GPC5: variants seen among roughly 807,000 people sequenced by gnomAD.
GPC5 encodes glypican-5.
A neutral mutation model predicts 53.9 loss-of-function variants in GPC5; 47 were observed. That is an observed-to-expected ratio of 0.87 (90% CI 0.69 to 1.11). GPC5 has a LOEUF of 1.11. Among genes scored for constraint, GPC5 ranks in the 50% most tolerant of loss-of-function variants. The pLI, the probability that GPC5 is intolerant of heterozygous loss-of-function variation, is 0.00. For missense variants in GPC5, 748 were observed against 713.1 expected (o/e 1.05, Z -0.56); for synonymous variants, 286 against 263.3 (o/e 1.09, Z -0.84).
intron 2 of GPC5, among the ~76,000 whole-genome samples, chr13:91,657,172 A>G (rs1255268721): frequency 3.9e-5 from 6 of 152,144 alleles, no homozygotes; most frequent in Non-Finnish European, 5.9e-5. Flanking sequence ...TGAAAGAGTG[A>G]GACTGCAAGT....
intron 7 of GPC5, among the ~76,000 whole-genome samples, chr13:92,731,080 A>G (rs748953967): frequency 1.5e-4 from 22 of 151,438 alleles, no homozygotes; most frequent in Admixed American, 1.1e-3. Flanking sequence ...GTGATGATCA[A>G]CAAGGAAGCT....
intron 7 of GPC5, among the ~76,000 whole-genome samples, chr13:92,160,197 T>C (rs1164365841): frequency 6.6e-6 from 1 of 152,184 alleles, no homozygotes; most frequent in Non-Finnish European, 1.5e-5. Flanking sequence ...GGCATGAAAG[T>C]ATCTATGTTC....
chr13:91,546,520 T>A (rs538692386), intron 2 of GPC5, among the ~76,000 whole-genome samples: 51 of 152,218 alleles, frequency 3.4e-4, no homozygotes, highest in African/African-American at 1.2e-3. Flanking sequence ...TTTTAATCAA[T>A]TTTTTAAAAT....
intron 7 of GPC5, among the ~76,000 whole-genome samples, chr13:92,861,141 A>C (rs1002718634): frequency 6.6e-6 from 1 of 152,134 alleles, no homozygotes; most frequent in African/African-American, 2.4e-5. Context: ...TTACTCCTTA[A>C]AGAGTTTTAA....
intron 1 of GPC5, among the ~76,000 whole-genome samples, chr13:91,444,589 A>G (rs1880654975): frequency 6.6e-6 from 1 of 152,112 alleles, no homozygotes; most frequent in African/African-American, 2.4e-5. Flanking sequence ...AAAATATGGC[A>G]GCTCATTTTA....
intron 7 of GPC5, among the ~76,000 whole-genome samples, chr13:92,202,273 T>C (rs2042300601): frequency 6.6e-6 from 1 of 152,228 alleles, no homozygotes; most frequent in African/African-American, 2.4e-5. Flanking sequence ...TACCTAATGT[T>C]TCCAGTTGAG....
At chr13:92,592,399 C>T (rs1390058767) in intron 7 of GPC5, among the ~76,000 whole-genome samples, 1 of 151,256 alleles carries the variant, frequency 6.6e-6, no homozygotes, top group African/African-American at 2.4e-5. Flanking sequence ...GGTCTTCCTC[C>T]TGCTTTCCTC....
intron 7 of GPC5, among the ~76,000 whole-genome samples, chr13:92,854,991 T>A (rs1878948825): frequency 6.6e-6 from 1 of 152,058 alleles, no homozygotes; most frequent in East Asian, 1.9e-4. Context: ...TCCTTAGATT[T>A]TCTTCTAGTA....
At chr13:91,475,057 GA>G (rs1169790980) in intron 2 of GPC5, among the ~76,000 whole-genome samples, 1 of 152,132 alleles carries the variant, frequency 6.6e-6, no homozygotes, top group African/African-American at 2.4e-5. Flanking sequence ...AAAATATTCT[GA>G]GTAGACTCAC....
intron 5 of GPC5, among the ~76,000 whole-genome samples, chr13:91,871,174 G>A (rs1049106729): frequency 6.6e-6 from 1 of 152,134 alleles, no homozygotes; most frequent in African/African-American, 2.4e-5. Flanking sequence ...TCAGATTTTG[G>A]AACATTTTCA....
At chr13:92,387,898 T>A (rs1277592022) in intron 7 of GPC5, among the ~76,000 whole-genome samples, 1 of 152,144 alleles carries the variant, frequency 6.6e-6, no homozygotes, top group African/African-American at 2.4e-5. Flanking sequence ...TAGCAGATAA[T>A]CAGTACACAG....
At position 91,531,784 on chromosome 13, in the gene GPC5, G is replaced by A. The variant is rs557128197; in HGVS notation, c.325+82862G>A. Among the ~76,000 whole-genome samples the A allele has an allele frequency of 3.3e-5, 5 of 152,204 alleles. No individual in the cohort carries two copies. The East Asian group carries it at 9.6e-4, about 29-fold the overall frequency. ...TAAAGCTTTAAAGGGTAAATACTTT[G>A]GATCTGACTTTTCACTTTTATTCAG... On this transcript the variant is annotated intron_variant, in intron 2 of 7. Transcript: ENST00000377067.
intron 7 of GPC5, among the ~76,000 whole-genome samples, chr13:92,534,064 A>T (rs1017069467): frequency 6.6e-6 from 1 of 152,130 alleles, no homozygotes; most frequent in Non-Finnish European, 1.5e-5. Context: ...AAGTGAGAAG[A>T]TCACTTGAGC....
chr13:92,135,972 T>A (rs1008849445), intron 6 of GPC5, among the ~76,000 whole-genome samples: 1 of 152,226 alleles, frequency 6.6e-6, no homozygotes, highest in African/African-American at 2.4e-5. Context: ...TTTCTACATT[T>A]GAAAGAGACA....
intron 4 of GPC5, among the ~76,000 whole-genome samples, chr13:91,739,773 T>C (rs972291251): frequency 1.3e-5 from 2 of 151,458 alleles, no homozygotes; most frequent in African/African-American, 4.9e-5. Flanking sequence ...ACTATTGTTT[T>C]TGCAATATTC....
intron 1 of GPC5, among the ~76,000 whole-genome samples, chr13:91,413,879 C>T (rs1308257179): frequency 2.0e-5 from 3 of 152,170 alleles, no homozygotes; most frequent in African/African-American, 7.2e-5. Context: ...CCTGGAAACA[C>T]TGAGATGATC....
At chr13:92,128,592 T>G (rs2041718627) in intron 6 of GPC5, among the ~76,000 whole-genome samples, 1 of 152,234 alleles carries the variant, frequency 6.6e-6, no homozygotes, top group Non-Finnish European at 1.5e-5. Context: ...GTCAGAGAAC[T>G]CGGTCTCATT....
chr13:92,798,882 T>C (rs75134255), intron 7 of GPC5, among the ~76,000 whole-genome samples: 35 of 152,038 alleles, frequency 2.3e-4, no homozygotes, highest in African/African-American at 6.3e-4. Context: ...TGTAGTTTTA[T>C]GATTTGCAAC....
intron 7 of GPC5, among the ~76,000 whole-genome samples, chr13:92,586,721 C>A (rs1379816116): frequency 6.6e-6 from 1 of 152,128 alleles, no homozygotes; most frequent in South Asian, 2.1e-4. Flanking sequence ...TGCCCTGCCC[C>A]TAAAGATCTT....
Sources: gnomAD v4.1 joint callset for allele counts (sites outside exome capture counted in the v4.1 genomes callset) on GRCh38, gnomAD v4.1.1 for gene constraint, MANE v1.5 for transcripts, NCBI Gene and HGNC (gene_info 2026-07-23, HGNC 2026-07-21) for gene names.